The following B3GALNT2 variants were observed in gnomAD, a reference collection of about 807,000 sequenced individuals.
The protein encoded by B3GALNT2 is beta-1,3-N-acetylgalactosaminyltransferase 2, also known as UDP-GalNAc:beta-1,3-N-acetylgalactosaminyltransferase 2.
A neutral mutation model predicts 61.1 loss-of-function variants in B3GALNT2; 53 were observed. The observed-to-expected ratio is 0.87, with a 90% CI of 0.70 to 1.09. The LOEUF is 1.09. B3GALNT2 is among the 50% of genes least tolerant of loss of function. The pLI is 0.00. For synonymous variants in B3GALNT2, 223 were observed against 237.4 expected, an observed-to-expected ratio of 0.94 and a Z score of 0.56; for missense variants, 544 against 623.0, an observed-to-expected ratio of 0.87 and a Z score of 1.35.
At position 235,461,595 on chromosome 1, in the gene B3GALNT2, C is replaced by A. The variant is rs549033090; in HGVS notation, c.842-2809G>T. On this transcript the variant is annotated intron_variant, in intron 7 of 11. Coordinates refer to ENST00000366600, the MANE Select transcript of B3GALNT2 (RefSeq NM_152490.5). ...GCAGTAGCGCTATCTCGGCTCACTG[C>A]AACCTCTGCCTCCCAGGTTCAAGCG... 7.3e-5 allele frequency among the ~76,000 whole-genome samples: 10 copies of A among 137,726 alleles called. No individual in the cohort carries two copies. The South Asian group carries it at 1.4e-3, about 19-fold the overall frequency. 90.4% of individuals were successfully genotyped at this position (137,726 alleles called of 152,430 possible).
At chr1:235,500,460 AC>A (rs1191363790) in intron 1 of B3GALNT2, among the ~76,000 whole-genome samples, 1 of 152,216 alleles carries the variant, frequency 6.6e-6, no homozygotes, top group Non-Finnish European at 1.5e-5. Context: ...AGCCTGGGCG[AC>A]AGAGTGAAAC....
At chr1:235,482,777 C>T (rs771364198) in intron 4 of B3GALNT2, among the ~76,000 whole-genome samples, 9 of 151,962 alleles carry the variant, frequency 5.9e-5, no homozygotes, top group Non-Finnish European at 1.2e-4. Context: ...CAGTGAACCA[C>T]GACTGTGCCA....
At chr1:235,452,938 C>T in intron 11 of B3GALNT2, 152 bp downstream of exon 11, 1 of 654,138 alleles carries the variant, frequency 1.5e-6, no homozygotes, top group Non-Finnish European at 2.7e-6. Context: ...TGTGCAACTT[C>T]TAAGTATAAT....
At chr1:235,443,644 G>A (rs968174839), downstream of B3GALNT2, among the ~76,000 whole-genome samples, 4 of 152,302 alleles carry the variant, frequency 2.6e-5, no homozygotes, top group East Asian at 5.8e-4. Context: ...TAAGAGAGGA[G>A]CTGTGTCCTG....
intron 4 of B3GALNT2, among the ~76,000 whole-genome samples, chr1:235,480,864 C>T (rs959564779): frequency 2.3e-5 from 3 of 131,728 alleles, no homozygotes; most frequent in Admixed American, 9.0e-5. Context: ...CAAGACTGCA[C>T]CACTGCACTC....
chr1:235,454,774 C>A (rs949792419), intron 9 of B3GALNT2, among the ~76,000 whole-genome samples: 4 of 152,138 alleles, frequency 2.6e-5, no homozygotes, highest in Admixed American at 1.3e-4. Context: ...AAGGAATTAT[C>A]ATTTATCCAG....
In B3GALNT2 at chr1:235,458,797, A is replaced by G. The variant is rs190092314; in HGVS notation, c.842-11T>C. ...AGAGAGCATCACCTTCTATAAAGGA[A>G]AAGTTGAGAGTTGGAGAAAAATGCT... On this transcript the variant is annotated splice_polypyrimidine_tract_variant and intron_variant, in intron 7 of 11. Transcript: ENST00000366600. 3 of 1,568,076 alleles carry G rather than the reference A, an allele frequency of 1.9e-6. No individual in the cohort carries two copies. The East Asian group carries it at 6.8e-5, about 36-fold the overall frequency.
Position 235,458,876 on chromosome 1 carries a change from G to A in B3GALNT2, c.842-90C>T. 2.5e-6 allele frequency: 3 copies of A among 1,191,408 alleles called. No homozygotes were observed. In the African/African-American group the frequency reaches 4.7e-5, roughly 19 times the overall value. The allele number at this position is 1,191,408 out of a possible 1,614,324, so 73.8% of individuals were successfully genotyped here. A position where few individuals can be genotyped will look rare whatever the true frequency, so the allele number is the denominator to read the frequency against. ...ATGTACACTAAAGTTCTTTTCCCAA[G>A]GTAACCCAGCAGAAACACATGCAGT... On this transcript the variant is annotated intron_variant, in intron 7 of 11. Transcript: ENST00000366600.
chr1:235,504,407 C>T lies in B3GALNT2; in HGVS notation c.-155G>A. 2.6e-6 allele frequency: 2 copies of T among 782,596 alleles called. No homozygotes were observed. Among genetic ancestry groups the T allele is most frequent in the Non-Finnish European group, 1.8e-6 (1 of 550,788 alleles). The allele number at this position is 782,596 out of a possible 1,614,324, so 48.5% of individuals were successfully genotyped here. On this transcript the variant is annotated 5_prime_UTR_variant, in exon 1 of 12. Transcript: ENST00000366600. ...ACGTCTGGGGGGCTCCTCGCAGCTC[C>T]CGGCCCCGCTCCTCCGGTCCCTCAG...
At chr1:235,500,430 A>C (rs191195087) in intron 1 of B3GALNT2, among the ~76,000 whole-genome samples, 88 of 152,334 alleles carry the variant, frequency 5.8e-4, no homozygotes, top group African/African-American at 2.1e-3. Context: ...CAGTTAGTCA[A>C]GATGGTGCCA....
intron 4 of B3GALNT2, among the ~76,000 whole-genome samples, chr1:235,482,794 T>A (rs555389839): frequency 1.3e-5 from 2 of 152,070 alleles, no homozygotes; most frequent in East Asian, 3.9e-4. Flanking sequence ...GCCACTGCAC[T>A]CCAGCTCAGG....
rs761646217 is a variant in B3GALNT2, at chr1:235,449,852, G to C, written c.*354C>G. ...ATTCAAACTCTCAGTTACTACTACA[G>C]ATTTCTGAACTAGGCCAAGTTTTAA... On this transcript the variant is annotated 3_prime_UTR_variant, in exon 12 of 12. Coordinates refer to ENST00000366600, the MANE Select transcript of B3GALNT2 (RefSeq NM_152490.5). 8 of 191,472 alleles carry C rather than the reference G, an allele frequency of 4.2e-5. No individual in the cohort carries two copies. The highest frequency in any genetic ancestry group is 7.7e-5 in the Non-Finnish European group (7 of 90,998). The allele number at this position is 191,472 out of a possible 1,614,324, so 11.9% of individuals were successfully genotyped here.
rs754116208 is a variant in B3GALNT2 at position 235,450,275 on chromosome 1, C to T, written c.1434G>A (p.Pro478=). 88 of 1,613,978 alleles carry T rather than the reference C, an allele frequency of 5.5e-5. 1 individual carries two copies. The highest frequency in any genetic ancestry group is 3.3e-4 in the Middle Eastern group (2 of 6,062). Residue 478 remains proline (P), a synonymous_variant, in exon 12 of 12, where the codon CCG becomes CCA. Transcript: ENST00000366600. ...TGMLSSPQYS[P]WELTELWKLK... is the part of the protein sequence containing the mutation. ...GTTTCCACAGTTCCGTCAGTTCCCA[C>T]GGAGAATACTGAGGAGAAGACAGCA...
chr1:235,493,983 G>A (rs1019949957), intron 2 of B3GALNT2, among the ~76,000 whole-genome samples: 1 of 152,030 alleles, frequency 6.6e-6, no homozygotes, highest in Non-Finnish European at 1.5e-5. Flanking sequence ...TAAGGCTTTG[G>A]GCCCCTAACT....
Position 235,447,940 on chromosome 1 carries a change from TG to T in B3GALNT2, c.*2265del, listed in dbSNP as rs1311609915. Among the ~76,000 whole-genome samples, 4 of 151,960 alleles carry T rather than the reference TG, an allele frequency of 2.6e-5. No individual in the cohort carries two copies. In the East Asian group the frequency reaches 7.7e-4, roughly 29 times the overall value. On this transcript the variant is annotated 3_prime_UTR_variant, in exon 12 of 12. Coordinates refer to ENST00000366600, the MANE Select transcript of B3GALNT2 (RefSeq NM_152490.5). ...TAAAATGAAAGATACAGCCAGGCGC[TG>T]GGCTCATGCTTGTAATCCCAGCACT...
chr1:235,456,236 A>G (rs1683166704), intron 8 of B3GALNT2, among the ~76,000 whole-genome samples: 1 of 152,220 alleles, frequency 6.6e-6, no homozygotes, highest in Admixed American at 6.5e-5. Context: ...ACCATTATAA[A>G]TGACCTTCTG....
intron 1 of B3GALNT2, chr1:235,496,311 G>GAAAA (rs57723180): frequency 2.7e-5 from 20 of 753,396 alleles, no homozygotes; most frequent in South Asian, 1.9e-4. Context: ...GACTCCACCT[G>GAAAA]AAAAAAAAAA....
chr1:235,501,774 T>C (rs1685592715), intron 1 of B3GALNT2, among the ~76,000 whole-genome samples: 1 of 152,066 alleles, frequency 6.6e-6, no homozygotes, highest in South Asian at 2.1e-4. Context: ...AAAATACATT[T>C]AAAAATGTTA....
At chr1:235,494,608 C>T (rs1685227087) in intron 2 of B3GALNT2, 73 bp downstream of exon 2, 3 of 1,488,982 alleles carry the variant, frequency 2.0e-6, no homozygotes, top group Admixed American at 3.6e-5. Context: ...GGGCACACAC[C>T]ACCACGCCTG....
Sources: gnomAD v4.1 joint callset for allele counts (sites outside exome capture counted in the v4.1 genomes callset) on GRCh38, gnomAD v4.1.1 for gene constraint, MANE v1.5 for transcripts, NCBI Gene and HGNC (gene_info 2026-07-23, HGNC 2026-07-21) for gene names.